FAF2: variants seen among roughly 807,000 people sequenced by gnomAD.
The protein encoded by FAF2 is FAS-associated factor 2.
Under a neutral mutation model 62.3 loss-of-function variants are expected in FAF2, and 9 were observed. The ratio of observed to expected loss-of-function variants is 0.14; its 90% confidence interval spans 0.09 to 0.25. The LOEUF (loss-of-function observed/expected upper bound fraction) is 0.25. Among genes scored for constraint, FAF2 ranks in the 10% least tolerant of loss-of-function variants. The pLI is 1.00. For synonymous variants in FAF2, 202 were observed against 198.0 expected, an observed-to-expected ratio of 1.02 and a Z score of -0.17; for missense variants, 368 against 556.2, an observed-to-expected ratio of 0.66 and a Z score of 3.40.
chr5:176,481,738 G>A (rs1308804656), intron 2 of FAF2, among the ~76,000 whole-genome samples: 5 of 152,022 alleles, frequency 3.3e-5, no homozygotes, highest in African/African-American at 1.2e-4. Flanking sequence ...GCTCACTGCA[G>A]TTGAACTCCT....
At chr5:176,484,909 A>T (rs956392790) in intron 2 of FAF2, among the ~76,000 whole-genome samples, 5 of 149,558 alleles carry the variant, frequency 3.3e-5, no homozygotes, top group African/African-American at 1.2e-4. Flanking sequence ...AAAAAAAAAA[A>T]GGTTAAAGTT....
At chr5:176,493,768 A>G (rs1260739357) in intron 5 of FAF2, among the ~76,000 whole-genome samples, 1 of 152,166 alleles carries the variant, frequency 6.6e-6, no homozygotes, top group African/African-American at 2.4e-5. Context: ...TTGAATCCTA[A>G]CAACACTAAA....
At chr5:176,502,072 T>C (rs1755601340) in intron 10 of FAF2, among the ~76,000 whole-genome samples, 1 of 152,076 alleles carries the variant, frequency 6.6e-6, no homozygotes, top group African/African-American at 2.4e-5. Context: ...TCTCTAACTT[T>C]GGATTTTTAA....
intron 2 of FAF2, among the ~76,000 whole-genome samples, chr5:176,485,181 C>G (rs1758855042): frequency 6.6e-6 from 1 of 152,178 alleles, no homozygotes; most frequent in African/African-American, 2.4e-5. Flanking sequence ...TACTAGAGGT[C>G]TTGGAACATA....
chr5:176,494,477 A>G lies in FAF2; in HGVS notation c.661+202A>G, dbSNP rs1324019412. 6.6e-6 allele frequency among the ~76,000 whole-genome samples: 1 copy of G among 152,226 alleles called. No homozygotes were observed. The highest frequency in any genetic ancestry group is 6.5e-5 in the Admixed American group (1 of 15,282). On this transcript the variant is annotated intron_variant, in intron 7 of 10. Transcript: ENST00000261942. The surrounding 1 kb of genome is among the most constrained non-coding windows in gnomAD (Gnocchi z 4.0). ...ATTACCTTTGCTTTATGGTTTAGGAAATAGGCTCAGAGAGTTCAAGCCACT... is the reference window on the plus strand; with the variant it reads ...ATTACCTTTGCTTTATGGTTTAGGAGATAGGCTCAGAGAGTTCAAGCCACT...
chr5:176,465,193 A>G (rs992586275), intron 1 of FAF2, among the ~76,000 whole-genome samples: 2 of 151,920 alleles, frequency 1.3e-5, no homozygotes, highest in Non-Finnish European at 2.9e-5. Context: ...GCCTGGCCAG[A>G]TATGTACCAT....
At chr5:176,501,308 A>G (rs1375273101) in intron 10 of FAF2, among the ~76,000 whole-genome samples, 2 of 152,200 alleles carry the variant, frequency 1.3e-5, no homozygotes, top group African/African-American at 4.8e-5. Context: ...ATTTATAGCT[A>G]TAGTGGATTC....
chr5:176,452,360 C>T (rs1204538386), intron 1 of FAF2, among the ~76,000 whole-genome samples: 1 of 152,016 alleles, frequency 6.6e-6, no homozygotes, highest in African/African-American at 2.4e-5. Flanking sequence ...ACCTGGCCAG[C>T]AGGTAACATT....
At chr5:176,449,875 C>T (rs1362234690) in intron 1 of FAF2, among the ~76,000 whole-genome samples, 1 of 152,162 alleles carries the variant, frequency 6.6e-6, no homozygotes, top group Non-Finnish European at 1.5e-5. Context: ...AATACAGCAA[C>T]CCTATGAGGT....
At chr5:176,475,247 G>A (rs1340611482) in intron 1 of FAF2, among the ~76,000 whole-genome samples, 2 of 152,040 alleles carry the variant, frequency 1.3e-5, no homozygotes, top group African/African-American at 4.8e-5. Flanking sequence ...CTGAATAGAT[G>A]ATCCTTCTTG....
chr5:176,476,627 CTTTTTTTTTTTT>C (rs58104178), intron 1 of FAF2, among the ~76,000 whole-genome samples: 2 of 95,062 alleles, frequency 2.1e-5, no homozygotes, highest in African/African-American at 4.4e-5. Flanking sequence ...ATTAGAGTCC[CTTTTTTTTTTTT>C]TTTTTTTTTT....
chr5:176,509,602 TCTTCCACTTC>T lies in FAF2; in HGVS notation c.*2653_*2662del, dbSNP rs1433794891. On this transcript the variant is annotated 3_prime_UTR_variant, in exon 11 of 11. Coordinates refer to ENST00000261942, the MANE Select transcript of FAF2 (RefSeq NM_014613.3). ...CCTCAGTGGAGCCCTTCTGGTCTTT[TCTTCCACTTC>T]TGCAGAATTTCCTCTAGCAAATACT... 6.6e-6 allele frequency: 1 copy of T among 152,628 alleles called. No homozygotes were observed. Among genetic ancestry groups the T allele is most frequent in the African/African-American group, 2.4e-5 (1 of 41,458 alleles). 9.5% of individuals were successfully genotyped at this position (152,628 alleles called of 1,614,324 possible).
chr5:176,460,526 G>GTGTGTC, intron 1 of FAF2, among the ~76,000 whole-genome samples: 1 of 148,928 alleles, frequency 6.7e-6, no homozygotes, highest in South Asian at 2.1e-4. Context: ...GTGTGTGTGT[G>GTGTGTC]TGTGTGTGTG....
chr5:176,505,023 GAAAAAAA>G (rs571061959), intron 10 of FAF2, among the ~76,000 whole-genome samples: 3 of 122,114 alleles, frequency 2.5e-5, no homozygotes, highest in Non-Finnish European at 5.2e-5. Flanking sequence ...ACCTGTCTGG[GAAAAAAA>G]AAAAAAAAAA....
At chr5:176,476,627 C>CGTTTTTTT in intron 1 of FAF2, among the ~76,000 whole-genome samples, 2 of 95,062 alleles carry the variant, frequency 2.1e-5, no homozygotes, top group African/African-American at 4.4e-5. Flanking sequence ...ATTAGAGTCC[C>CGTTTTTTT]TTTTTTTTTT....
chr5:176,499,243 A>G (rs954924679), intron 9 of FAF2, among the ~76,000 whole-genome samples, 158 bp downstream of exon 9: 7 of 152,212 alleles, frequency 4.6e-5, no homozygotes, highest in African/African-American at 1.7e-4. Context: ...ACATGTTGGA[A>G]TTAGGGGTGA....
chr5:176,498,909 C>A lies in FAF2; in HGVS notation c.840-5C>A. 1 of 1,584,506 alleles carries A rather than the reference C, an allele frequency of 6.3e-7. No homozygotes were observed. The highest frequency in any genetic ancestry group is 8.6e-7 in the Non-Finnish European group (1 of 1,165,976). On this transcript the variant is annotated splice_polypyrimidine_tract_variant and splice_region_variant and intron_variant, in intron 8 of 10. Transcript: ENST00000261942. ...TTTCTTCTCTTGCTTTTGATCTATT[C>A]ACAGGGAAGAAAGAAACCAGACCCA... is the stretch of plus-strand genomic sequence containing the variant.
intron 1 of FAF2, among the ~76,000 whole-genome samples, chr5:176,475,645 G>A (rs1758674808): frequency 6.6e-6 from 1 of 152,098 alleles, no homozygotes; most frequent in South Asian, 2.1e-4. Context: ...GCAGCCACCT[G>A]TAATCCCAGC....
At chr5:176,476,379 C>A (rs1758690204) in intron 1 of FAF2, among the ~76,000 whole-genome samples, 1 of 152,100 alleles carries the variant, frequency 6.6e-6, no homozygotes, top group Admixed American at 6.6e-5. Flanking sequence ...CAAAAAGGTC[C>A]TTTTAACTTG....
Sources: gnomAD v4.1 joint callset for allele counts (sites outside exome capture counted in the v4.1 genomes callset) on GRCh38, gnomAD v4.1.1 for gene constraint, Gnocchi (gnomAD v3.1) non-coding constraint, MANE v1.5 for transcripts, NCBI Gene and HGNC (gene_info 2026-07-23, HGNC 2026-07-21) for gene names.